The following PRKCH variants were observed in gnomAD, a reference collection of about 807,000 sequenced individuals.
PRKCH encodes protein kinase C eta, also known as protein kinase C eta type.
In PRKCH, 28 loss-of-function variants were observed where a neutral mutation model predicts 82.5. The ratio of observed to expected loss-of-function variants is 0.34; its 90% CI spans 0.25 to 0.47. PRKCH has a LOEUF of 0.47. Among genes scored for constraint, PRKCH ranks in the 20% least tolerant of loss-of-function variants. The pLI is 1.00. For missense variants in PRKCH, 705 were observed against 881.8 expected (o/e 0.80, Z 2.54); for synonymous variants, 322 against 327.4 (o/e 0.98, Z 0.18).
chr14:61,329,500 TG>T (rs1181988228), intron 1 of PRKCH, among the ~76,000 whole-genome samples: 1 of 152,156 alleles, frequency 6.6e-6, no homozygotes, highest in Non-Finnish European at 1.5e-5. Context: ...CCTCCCAAAG[TG>T]CTGGGATGCA....
At chr14:61,325,795 A>G (rs1247948035) in intron 1 of PRKCH, among the ~76,000 whole-genome samples, 1 of 152,240 alleles carries the variant, frequency 6.6e-6, no homozygotes. Flanking sequence ...CCAACAAATG[A>G]CTTGTAACTT....
At chr14:61,540,501 A>T (rs1177267684) in intron 12 of PRKCH, among the ~76,000 whole-genome samples, 1 of 152,234 alleles carries the variant, frequency 6.6e-6, no homozygotes, top group African/African-American at 2.4e-5. Flanking sequence ...AAACTGTGTG[A>T]CAGGTTACAG....
At position 61,322,444 on chromosome 14, in the gene PRKCH, T is replaced by C; in HGVS notation, c.343T>C (p.Ser115Pro). 1 of 1,596,858 alleles carries C rather than the reference T, an allele frequency of 6.3e-7. No individual in the cohort carries two copies. Among genetic ancestry groups the C allele is most frequent in the Non-Finnish European group, 8.6e-7 (1 of 1,166,342 alleles). Reference sequence around the variant, plus strand: ...GGAGCTGCTGCGCACGACCGGCGCCTCGGACACCTTCGAGGGTTGGGTGAG... The same window carrying C: ...GGAGCTGCTGCGCACGACCGGCGCCCCGGACACCTTCGAGGGTTGGGTGAG... ...FQELLRTTGA[S>P]DTFEGWVDLE... Residue 115 changes from serine to proline, a missense_variant, in exon 1 of 14, where the codon TCG becomes CCG. Ser to Pro is a moderately conservative substitution (Grantham distance 74). This residue lies in a region of PRKCH where 246 missense variants were observed against 308.0 expected (regional missense o/e 0.80). Transcript: ENST00000332981.
chr14:61,243,268 C>T (rs550013674), intron 1 of PRKCH, among the ~76,000 whole-genome samples: 26 of 151,170 alleles, frequency 1.7e-4, no homozygotes, highest in South Asian at 1.5e-3. Flanking sequence ...TGTGGTTGTG[C>T]GCACCTGTAG....
intron 1 of PRKCH, among the ~76,000 whole-genome samples, chr14:61,257,475 T>C (rs1404499650): frequency 1.3e-5 from 2 of 152,120 alleles, no homozygotes; most frequent in East Asian, 3.9e-4. Flanking sequence ...AGAGCTCTTC[T>C]TTGAAGCAGC....
intron 1 of PRKCH, among the ~76,000 whole-genome samples, chr14:61,269,840 C>T (rs966864261): frequency 5.9e-5 from 9 of 152,204 alleles, no homozygotes; most frequent in African/African-American, 1.9e-4. Flanking sequence ...ACGCTGCGTT[C>T]CGTGTCGCTG....
chr14:61,289,261 G>A (rs1385878391), intron 1 of PRKCH, among the ~76,000 whole-genome samples: 1 of 152,180 alleles, frequency 6.6e-6, no homozygotes, highest in Admixed American at 6.5e-5. Context: ...ATCCAAAGAG[G>A]ACCAGTTCAG....
intron 9 of PRKCH, among the ~76,000 whole-genome samples, chr14:61,483,038 A>G (rs1886054083): frequency 6.6e-6 from 1 of 152,248 alleles, no homozygotes; most frequent in Non-Finnish European, 1.5e-5. Context: ...CAGATCCACG[A>G]GGAAGATGAA....
At chr14:61,488,139 G>C (rs1338290583) in intron 10 of PRKCH, among the ~76,000 whole-genome samples, 2 of 140,782 alleles carry the variant, frequency 1.4e-5, no homozygotes, top group Non-Finnish European at 3.1e-5. Flanking sequence ...GGGCGACAGC[G>C]AGACTCCGTC....
chr14:61,346,739 C>G (rs2045997332), intron 1 of PRKCH, among the ~76,000 whole-genome samples: 1 of 152,148 alleles, frequency 6.6e-6, no homozygotes, highest in African/African-American at 2.4e-5. Flanking sequence ...CTTCCATGAT[C>G]AAAGCAAGCA....
intron 2 of PRKCH, among the ~76,000 whole-genome samples, chr14:61,401,921 T>C (rs1287133595): frequency 6.6e-6 from 1 of 152,234 alleles, no homozygotes; most frequent in Non-Finnish European, 1.5e-5. Context: ...AACTGGCAGA[T>C]TTTTCAGACA....
intron 2 of PRKCH, among the ~76,000 whole-genome samples, chr14:61,404,127 C>T (rs1372060804): frequency 6.6e-6 from 1 of 152,154 alleles, no homozygotes; most frequent in Non-Finnish European, 1.5e-5. Context: ...GGAAGACCTG[C>T]TTCTTCCCTT....
chr14:61,225,198 G>A lies in PRKCH; in HGVS notation c.-19+37530G>A, dbSNP rs532452523. On this transcript the variant is annotated intron_variant, in intron 1 of 3. Coordinates refer to the PRKCH transcript ENST00000555185. The stretch of plus-strand genomic sequence containing the variant: ...AAAAGAGTGTGTGGCTCACAGCATG[G>A]TTATTTGGATACATGCACACAGGCT... 1.2e-4 allele frequency among the ~76,000 whole-genome samples: 19 copies of A among 152,222 alleles called. No homozygotes were observed. The South Asian group carries it at 3.7e-3, about 30-fold the overall frequency.
intron 10 of PRKCH, among the ~76,000 whole-genome samples, chr14:61,500,636 T>C (rs1421430543): frequency 6.6e-6 from 1 of 152,112 alleles, no homozygotes; most frequent in African/African-American, 2.4e-5. Flanking sequence ...CTGCATCCAT[T>C]TGAGAGTATA....
chr14:61,449,875 T>C (rs1187570803), intron 5 of PRKCH, among the ~76,000 whole-genome samples: 1 of 63,348 alleles, frequency 1.6e-5, no homozygotes, highest in South Asian at 8.3e-4. Context: ...TCTCTCTCTC[T>C]CTCTCTCTCT....
intron 10 of PRKCH, among the ~76,000 whole-genome samples, chr14:61,495,776 T>G (rs1886643984): frequency 6.6e-6 from 1 of 152,140 alleles, no homozygotes; most frequent in Non-Finnish European, 1.5e-5. Flanking sequence ...CTCAGGGAGC[T>G]TAACTTCTAG....
chr14:61,356,734 TGTG>T (rs1327677645), intron 1 of PRKCH, among the ~76,000 whole-genome samples: 2 of 152,154 alleles, frequency 1.3e-5, no homozygotes, highest in Admixed American at 6.5e-5. Context: ...CAGGCTGGAG[TGTG>T]GTGGCATGAT....
chr14:61,279,507 C>A (rs1356094360), intron 1 of PRKCH: 1 of 152,432 alleles, frequency 6.6e-6, no homozygotes, highest in Non-Finnish European at 1.5e-5. Flanking sequence ...TCGAGGATCT[C>A]ATCCCAGCCT....
intron 2 of PRKCH, among the ~76,000 whole-genome samples, chr14:61,438,211 C>G (rs1223096408): frequency 6.6e-6 from 1 of 152,140 alleles, no homozygotes; most frequent in Non-Finnish European, 1.5e-5. Flanking sequence ...ACAGCCTCAA[C>G]CACCAAACTC....
Sources: gnomAD v4.1 joint callset for allele counts (sites outside exome capture counted in the v4.1 genomes callset) on GRCh38, gnomAD v4.1.1 for gene constraint, gnomAD v4.1.1 regional missense constraint, MANE v1.5 for transcripts, NCBI Gene and HGNC (gene_info 2026-07-23, HGNC 2026-07-21) for gene names.